The following RASGRF1 variants were observed in gnomAD, a reference collection of about 807,000 sequenced individuals.
RASGRF1 encodes the protein ras-specific guanine nucleotide-releasing factor 1.
Under a neutral mutation model 138.7 loss-of-function variants are expected in RASGRF1, and 40 were observed. That is an observed-to-expected ratio of 0.29 (90% confidence interval 0.22 to 0.38). RASGRF1 has a LOEUF of 0.38. Among genes scored for constraint, RASGRF1 ranks in the 10% least tolerant of loss-of-function variants. The probability of loss-of-function intolerance (pLI) is 1.00; values close to 1 mark genes in which losing one functional copy is unlikely to be tolerated. For synonymous variants in RASGRF1, 614 were observed against 663.2 expected (o/e 0.93, Z 1.14); for missense variants, 1,108 against 1,650.4 (o/e 0.67, Z 5.69).
At chr15:79,035,812 G>A (rs2057213115) in intron 5 of RASGRF1, among the ~76,000 whole-genome samples, 1 of 152,198 alleles carries the variant, frequency 6.6e-6, no homozygotes, top group Admixed American at 6.5e-5. Flanking sequence ...CAATTCGAGT[G>A]CCCAGTGCAC....
chr15:79,044,939 T>C (rs956197708), intron 5 of RASGRF1, among the ~76,000 whole-genome samples: 1 of 152,138 alleles, frequency 6.6e-6, no homozygotes, highest in African/African-American at 2.4e-5. Flanking sequence ...CTATTTCAGA[T>C]GAATCAATGA....
chr15:79,072,792 C>T (rs530656065), intron 1 of RASGRF1, among the ~76,000 whole-genome samples: 1 of 152,296 alleles, frequency 6.6e-6, no homozygotes, highest in East Asian at 1.9e-4. Flanking sequence ...AGAGTAAAAA[C>T]CAGACTCACA....
At chr15:78,998,446 G>A (rs1404319878) in intron 18 of RASGRF1, among the ~76,000 whole-genome samples, 1 of 152,218 alleles carries the variant, frequency 6.6e-6, no homozygotes, top group African/African-American at 2.4e-5. Context: ...CTGCACCCCT[G>A]GGCCAGGGAG....
At chr15:78,994,314 G>A (rs1380665346) in intron 20 of RASGRF1, among the ~76,000 whole-genome samples, 1 of 152,252 alleles carries the variant, frequency 6.6e-6, no homozygotes. Context: ...TGGGGGCAGA[G>A]TGTGGGCAGA....
chr15:79,071,823 C>T (rs796479692), intron 1 of RASGRF1, among the ~76,000 whole-genome samples: 2 of 152,244 alleles, frequency 1.3e-5, no homozygotes, highest in African/African-American at 4.8e-5. Context: ...AAAGTGGCAC[C>T]CCATATTAGG....
intron 2 of RASGRF1, among the ~76,000 whole-genome samples, chr15:79,060,549 C>T (rs566571471): frequency 6.6e-6 from 1 of 152,188 alleles, no homozygotes; most frequent in Admixed American, 6.5e-5. Flanking sequence ...GACTCCACCA[C>T]CCCCGCTCAG....
At position 79,006,497 on chromosome 15, in the gene RASGRF1, AGG is replaced by A; in HGVS notation, c.1827-65_1827-64del. 6.5e-7 allele frequency: 1 copy of A among 1,545,886 alleles called. No homozygotes were observed. Among genetic ancestry groups the A allele is most frequent in the Non-Finnish European group, 8.7e-7 (1 of 1,143,640 alleles). ...TAAAGGCATCTGAATGGCACCCACC[AGG>A]CCTGCTCATCACTGCTTCCCCCACA... is the stretch of plus-strand genomic sequence containing the variant. On this transcript the variant is annotated intron_variant, in intron 13 of 26. Transcript: ENST00000558480. The surrounding 1 kb of genome is among the most constrained non-coding windows in gnomAD (Gnocchi z 4.0).
At position 79,006,250 on chromosome 15, in the gene RASGRF1, C is replaced by T. The variant is rs779403459; in HGVS notation, c.2011G>A (p.Ala671Thr). ...FLHSYRVFTT[A>T]IVVLDKLITI... ...ATGAGCTTGTCCAGGACCACGATGGCGGTGGTGAAGACGCGGTAGGAGTGC... is the reference window on the plus strand; with the variant it reads ...ATGAGCTTGTCCAGGACCACGATGGTGGTGGTGAAGACGCGGTAGGAGTGC... Residue 671 changes from alanine (A) to threonine (T), a missense_variant, in exon 14 of 27, where the codon GCC becomes ACC. Coordinates refer to ENST00000558480, the MANE Select transcript of RASGRF1 (RefSeq NM_001145648.3). This position sits in a 1 kb window ranked among gnomAD's most constrained non-coding sequence, Gnocchi z 4.0. The T allele has an allele frequency of 9.3e-6, 15 of 1,614,132 alleles. No individual in the cohort carries two copies. The highest frequency in any genetic ancestry group is 1.1e-5 in the South Asian group (1 of 91,080).
intron 22 of RASGRF1, chr15:78,989,976 ATGAC>A (rs199835059): frequency 0.016 from 9,517 of 595,874 alleles, 98 homozygotes; most frequent in Non-Finnish European, 0.021. Context: ...TAATCCTCCT[ATGAC>A]TGTTCCATGG....
chr15:79,070,540 T>C (rs2141076753), intron 1 of RASGRF1, among the ~76,000 whole-genome samples: 1 of 152,302 alleles, frequency 6.6e-6, no homozygotes, highest in South Asian at 2.1e-4. Flanking sequence ...GTAGGTGGCA[T>C]TGTGTTATCT....
In RASGRF1 at chr15:78,995,236, C is replaced by T. The variant is rs2056365843; in HGVS notation, c.3027+504G>A. ...GAGCCACCACGCCTGGCCTCCCTCT[C>T]ACATCTTAATTTCAGACTCCAGAAC... On this transcript the variant is annotated intron_variant, in intron 20 of 26. Coordinates refer to ENST00000558480, the MANE Select transcript of RASGRF1 (RefSeq NM_001145648.3). 2.6e-5 allele frequency among the ~76,000 whole-genome samples: 4 copies of T among 151,206 alleles called. No individual in the cohort carries two copies. The South Asian group carries it at 8.4e-4, about 32-fold the overall frequency.
intron 13 of RASGRF1, among the ~76,000 whole-genome samples, chr15:79,007,135 T>G (rs749644205): frequency 3.9e-5 from 6 of 152,266 alleles, no homozygotes; most frequent in African/African-American, 1.4e-4. Flanking sequence ...TTTGATCTGC[T>G]AGCAGCTGTC....
intron 23 of RASGRF1, chr15:78,984,642 G>A: frequency 3.5e-6 from 1 of 284,968 alleles, no homozygotes. Context: ...CCGATGGAAG[G>A]GTCCTCTGAT....
chr15:79,062,860 T>C (rs1293780464), intron 2 of RASGRF1, among the ~76,000 whole-genome samples: 3 of 152,112 alleles, frequency 2.0e-5, no homozygotes, highest in Non-Finnish European at 4.4e-5. Context: ...ATCTACTTTA[T>C]GACACCCAAA....
chr15:79,068,974 A>G (rs1412468692), intron 1 of RASGRF1, among the ~76,000 whole-genome samples: 1 of 152,024 alleles, frequency 6.6e-6, no homozygotes, highest in African/African-American at 2.4e-5. Flanking sequence ...GTTTGCCTGG[A>G]CCACAGGCCT....
chr15:79,008,291 G>A (rs1567508667), intron 13 of RASGRF1, among the ~76,000 whole-genome samples: 1 of 152,112 alleles, frequency 6.6e-6, no homozygotes, highest in East Asian at 1.9e-4. Flanking sequence ...AAACTTTATC[G>A]AGTGCCTTCA....
chr15:78,995,072 C>T (rs551065438), intron 20 of RASGRF1, among the ~76,000 whole-genome samples: 1 of 152,080 alleles, frequency 6.6e-6, no homozygotes, highest in Non-Finnish European at 1.5e-5. Flanking sequence ...GGATCACAGG[C>T]ATGCGCCACC....
intron 3 of RASGRF1, among the ~76,000 whole-genome samples, chr15:79,051,930 G>T (rs1440515869): frequency 6.6e-6 from 1 of 152,164 alleles, no homozygotes; most frequent in South Asian, 2.1e-4. Context: ...CTCATGGAGG[G>T]CTCATGGAGG....
At chr15:79,033,453 G>A (rs990967714) in intron 6 of RASGRF1, among the ~76,000 whole-genome samples, 5 of 152,040 alleles carry the variant, frequency 3.3e-5, no homozygotes, top group Non-Finnish European at 5.9e-5. Flanking sequence ...GTTTTACCAC[G>A]TTGGCCAGGA....
Sources: allele counts gnomAD v4.1 joint callset (sites outside exome capture counted in the v4.1 genomes callset), GRCh38; gene constraint gnomAD v4.1.1; non-coding constraint Gnocchi (gnomAD v3.1); transcripts MANE v1.5; gene names NCBI Gene and HGNC (gene_info 2026-07-23, HGNC 2026-07-21).